The following ARRDC5 variants were observed in gnomAD, a reference collection of about 807,000 sequenced individuals.
ARRDC5 encodes arrestin domain-containing protein 5.
In ARRDC5, 12 loss-of-function variants were observed where a neutral mutation model predicts 13.3. The ratio of observed to expected loss-of-function variants is 0.90; its 90% CI spans 0.58 to 1.46. The LOEUF is 1.46. Among genes scored for constraint, ARRDC5 ranks in the 40% most tolerant of loss-of-function variants. The pLI, the probability that ARRDC5 is intolerant of heterozygous loss-of-function variation, is 0.00. For missense variants in ARRDC5, 406 were observed against 418.7 expected, an observed-to-expected ratio of 0.97 and a Z score of 0.26; for synonymous variants, 181 against 173.4, an observed-to-expected ratio of 1.04 and a Z score of -0.34.
upstream of ARRDC5, chr19:4,903,585 C>A (rs1444223677): frequency 6.6e-6 from 1 of 151,130 alleles, no homozygotes; most frequent in Non-Finnish European, 1.5e-5. Flanking sequence ...TCACTGCAAC[C>A]TCTGCCTCCT....
chr19:4,896,361 T>TTTTACACACAC (rs761253103), intron 2 of ARRDC5, among the ~76,000 whole-genome samples: 8 of 84,952 alleles, frequency 9.4e-5, no homozygotes, highest in African/African-American at 4.5e-4. Flanking sequence ...TTTTTTTTTT[T>TTTTACACACAC]ACACACACAC....
At chr19:4,909,240 T>TG in the ARRDC5 span, 1,774 of 514,682 alleles carry the variant, frequency 3.4e-3, 26 homozygotes, top group African/African-American at 0.031. Context: ...CCAAGGCTCC[T>TG]GGGGTGTCCA....
intron 1 of ARRDC5, among the ~76,000 whole-genome samples, chr19:4,901,813 A>G (rs184750668): frequency 6.6e-6 from 1 of 152,138 alleles, no homozygotes; most frequent in East Asian, 1.9e-4. Context: ...ATTTGTTCAG[A>G]TTTCAGATCT....
chr19:4,898,972 G>A (rs892906898), intron 1 of ARRDC5, among the ~76,000 whole-genome samples: 2 of 151,748 alleles, frequency 1.3e-5, no homozygotes, highest in South Asian at 2.1e-4. Flanking sequence ...CACCTAGCAC[G>A]GTGTTTGTGC....
At chr19:4,898,257 C>T (rs1235583096) in intron 1 of ARRDC5, among the ~76,000 whole-genome samples, 4 of 152,246 alleles carry the variant, frequency 2.6e-5, no homozygotes, top group Non-Finnish European at 4.4e-5. Context: ...ATTTCCATGA[C>T]CTTTGTTTCA....
intron 2 of ARRDC5, 35 bp from the exon 3 acceptor site, chr19:4,891,608 G>C: frequency 6.4e-7 from 1 of 1,567,866 alleles, no homozygotes; most frequent in South Asian, 1.2e-5. Context: ...AACCGTGAGG[G>C]ACCAGGACCA....
At chr19:4,914,078 G>T in the ARRDC5 span, among the ~76,000 whole-genome samples, 1 of 151,806 alleles carries the variant, frequency 6.6e-6, no homozygotes, top group Non-Finnish European at 1.5e-5. Context: ...CCCCCACCTT[G>T]GCCTCCCAAA....
chr19:4,912,966 C>T, the ARRDC5 span, among the ~76,000 whole-genome samples: 4 of 151,968 alleles, frequency 2.6e-5, no homozygotes, highest in African/African-American at 7.2e-5. Context: ...TATTATATTG[C>T]CCAGGGTGGT....
chr19:4,899,988 T>C (rs917562545), intron 1 of ARRDC5, among the ~76,000 whole-genome samples: 1 of 149,924 alleles, frequency 6.7e-6, no homozygotes, highest in Admixed American at 6.7e-5. Flanking sequence ...ACATTTTTTT[T>C]TTCTGAGACT....
Position 4,896,705 on chromosome 19 carries a change from C to G in ARRDC5, c.425G>C (p.Gly142Ala), listed in dbSNP as rs1401704472. The G allele has an allele frequency of 6.2e-7, 1 of 1,613,614 alleles. No individual in the cohort carries two copies. The highest frequency in any genetic ancestry group is 1.3e-5 in the African/African-American group (1 of 74,996). ...AKKRMYLLVQ[G>A]TSTFHKETPF... is the part of the protein sequence containing the mutation. The stretch of plus-strand genomic sequence containing the variant: ...GGTTTCTTTGTGGAAGGTGGAAGTT[C>G]CTTGAACCAATAAGTACATCCTCTT... Residue 142 changes from glycine to alanine, a missense_variant, in exon 2 of 3, where the codon GGA (glycine) becomes GCA (alanine). Gly to Ala is a moderately conservative substitution (Grantham distance 60, BLOSUM62 0). Coordinates refer to ENST00000650722, the MANE Select transcript of ARRDC5 (RefSeq NM_001080523.3).
At chr19:4,896,987 C>CAAAAAT in intron 1 of ARRDC5, 111 bp from the exon 2 acceptor site, 1 of 733,162 alleles carries the variant, frequency 1.4e-6, no homozygotes, top group Non-Finnish European at 2.2e-6. Context: ...GACACGGTCT[C>CAAAAAT]ACTCTGTCAC....
chr19:4,911,054 G>A, the ARRDC5 span: 1 of 1,567,536 alleles, frequency 6.4e-7, no homozygotes, highest in Non-Finnish European at 8.7e-7. Flanking sequence ...CCCGCCGCCA[G>A]CACCTTTGTT....
chr19:4,910,938 C>T, the ARRDC5 span: 2 of 1,613,668 alleles, frequency 1.2e-6, no homozygotes, highest in Non-Finnish European at 1.7e-6. Context: ...ACGGTGGACT[C>T]GCTGTCCAGG....
chr19:4,897,716 T>C (rs548886620), intron 1 of ARRDC5, among the ~76,000 whole-genome samples: 1 of 152,268 alleles, frequency 6.6e-6, no homozygotes, highest in East Asian at 1.9e-4. Context: ...AGGGTCTTGC[T>C]ATGTTTCCCA....
chr19:4,898,905 C>A (rs1599218146), intron 1 of ARRDC5, among the ~76,000 whole-genome samples: 2 of 151,852 alleles, frequency 1.3e-5, no homozygotes, highest in East Asian at 1.9e-4. Context: ...GGACTACAGG[C>A]GTGAGCCACC....
At chr19:4,895,422 CAAAAAAAAAAAAAAAAA>C (rs1039157516) in intron 2 of ARRDC5, among the ~76,000 whole-genome samples, 1 of 70,712 alleles carries the variant, frequency 1.4e-5, no homozygotes, top group Non-Finnish European at 2.8e-5. Context: ...GACTCCGTCT[CAAAAAAAAAAAAAAAAA>C]AAAAAAAAGA....
At chr19:4,895,449 A>G (rs12985240) in intron 2 of ARRDC5, among the ~76,000 whole-genome samples, 1 of 146,634 alleles carries the variant, frequency 6.8e-6, no homozygotes, top group Non-Finnish European at 1.5e-5. Context: ...AAAAAAAAAG[A>G]AAGAAAGAAA....
upstream of ARRDC5, among the ~76,000 whole-genome samples, chr19:4,903,831 C>G (rs1460007281): frequency 6.6e-6 from 1 of 152,060 alleles, no homozygotes; most frequent in African/African-American, 2.4e-5. Flanking sequence ...ATCTTAAAGA[C>G]TCTACATTTA....
upstream of ARRDC5, among the ~76,000 whole-genome samples, chr19:4,907,181 C>G (rs2032081659): frequency 6.6e-6 from 1 of 152,206 alleles, no homozygotes; most frequent in Non-Finnish European, 1.5e-5. Context: ...TCGATCTTGG[C>G]TCACTGCAAC....
Sources: gnomAD v4.1 joint callset for allele counts (sites outside exome capture counted in the v4.1 genomes callset) on GRCh38, gnomAD v4.1.1 for gene constraint, MANE v1.5 for transcripts, NCBI Gene and HGNC (gene_info 2026-07-23, HGNC 2026-07-21) for gene names.